Variants in ANKRD45 observed in about 807,000 individuals in gnomAD.
ANKRD45 encodes ankyrin repeat domain 45.
In ANKRD45, 21 loss-of-function variants were observed where a neutral mutation model predicts 28.1. The observed-to-expected ratio is 0.75, with a 90% CI of 0.53 to 1.08. The LOEUF (loss-of-function observed/expected upper bound fraction) is 1.08. ANKRD45 is among the 50% of genes least tolerant of loss of function. The pLI is 0.00. For synonymous variants in ANKRD45, 86 were observed against 103.9 expected (o/e 0.83, Z 1.05); for missense variants, 261 against 308.7 (o/e 0.85, Z 1.16).
the ANKRD45 span, among the ~76,000 whole-genome samples, chr1:173,708,882 G>A: frequency 5.3e-5 from 8 of 152,120 alleles, no homozygotes; most frequent in African/African-American, 1.4e-4. Context: ...CTGGGACCCC[G>A]GTCTTCTAGC....
the ANKRD45 span, among the ~76,000 whole-genome samples, chr1:173,713,038 G>A: frequency 6.6e-6 from 1 of 152,176 alleles, no homozygotes. Context: ...ACAGAATGTT[G>A]AGTGGAAAAT....
chr1:173,614,613 T>C (rs1189712811), intron 5 of ANKRD45, among the ~76,000 whole-genome samples: 1 of 152,132 alleles, frequency 6.6e-6, no homozygotes, highest in Non-Finnish European at 1.5e-5. Flanking sequence ...TCAATACTCC[T>C]GGTACTTTTG....
the ANKRD45 span, among the ~76,000 whole-genome samples, chr1:173,698,027 G>A: frequency 3.3e-5 from 5 of 151,444 alleles, no homozygotes; most frequent in East Asian, 1.9e-4. Flanking sequence ...CCTAGTCTCC[G>A]ATAAAATAGA....
the ANKRD45 span, among the ~76,000 whole-genome samples, chr1:173,709,745 C>T: frequency 6.6e-6 from 1 of 152,098 alleles, no homozygotes; most frequent in East Asian, 1.9e-4. Context: ...GATCCTCCCA[C>T]CTCAGCCTCC....
chr1:173,650,572 G>A (rs1401361693), intron 2 of ANKRD45, among the ~76,000 whole-genome samples: 1 of 152,204 alleles, frequency 6.6e-6, no homozygotes, highest in Non-Finnish European at 1.5e-5. Flanking sequence ...ACGTGTGCGT[G>A]TGTCTTTATA....
the ANKRD45 span, among the ~76,000 whole-genome samples, chr1:173,710,955 T>G: frequency 6.6e-6 from 1 of 151,806 alleles, no homozygotes; most frequent in Non-Finnish European, 1.5e-5. Flanking sequence ...CAGTGAGCTG[T>G]GATTGCACTA....
At chr1:173,657,545 C>A (rs2102384072) in intron 2 of ANKRD45, 1 of 151,156 alleles carries the variant, frequency 6.6e-6, no homozygotes, top group South Asian at 2.1e-4. Flanking sequence ...TTTTTCAACT[C>A]ATTTTCAGTG....
At chr1:173,625,040 T>G in intron 4 of ANKRD45, 115 bp from the exon 5 acceptor site, 1 of 1,102,954 alleles carries the variant, frequency 9.1e-7, no homozygotes, top group Non-Finnish European at 1.3e-6. Flanking sequence ...AAATATTCTG[T>G]ACCTGCATTG....
chr1:173,679,409 T>G, the ANKRD45 span, among the ~76,000 whole-genome samples: 1 of 152,330 alleles, frequency 6.6e-6, no homozygotes, highest in East Asian at 1.9e-4. Flanking sequence ...TACAACCATC[T>G]GATCTTTGAC....
intron 1 of ANKRD45, among the ~76,000 whole-genome samples, chr1:173,666,708 T>A (rs930590791): frequency 1.1e-4 from 17 of 152,142 alleles, no homozygotes; most frequent in Non-Finnish European, 1.8e-4. Context: ...CTATATATAT[T>A]GTATTGATTC....
At chr1:173,643,206 C>T (rs1033070618) in intron 3 of ANKRD45, among the ~76,000 whole-genome samples, 4 of 143,178 alleles carry the variant, frequency 2.8e-5, no homozygotes, top group African/African-American at 1.1e-4. Context: ...CAGAGTCTCA[C>T]TCTGTCACCC....
intron 3 of ANKRD45, chr1:173,635,343 T>G: frequency 1.8e-6 from 1 of 569,006 alleles, no homozygotes; most frequent in Non-Finnish European, 3.1e-6. Context: ...TGGGCATATT[T>G]TGCTGACTGG....
chr1:173,613,229 T>G (rs1667263064), intron 5 of ANKRD45, among the ~76,000 whole-genome samples: 1 of 151,406 alleles, frequency 6.6e-6, no homozygotes. Context: ...GAGGAGCACC[T>G]CTGCCCGGCC....
chr1:173,686,088 A>G, the ANKRD45 span, among the ~76,000 whole-genome samples: 1 of 152,152 alleles, frequency 6.6e-6, no homozygotes, highest in Non-Finnish European at 1.5e-5. Context: ...ATCTCCCCGG[A>G]TTAAATGGTC....
chr1:173,646,308 T>C (rs574591557), intron 3 of ANKRD45, among the ~76,000 whole-genome samples: 1 of 152,184 alleles, frequency 6.6e-6, no homozygotes, highest in Non-Finnish European at 1.5e-5. Flanking sequence ...AACATACCCA[T>C]GTACCAGCAA....
At chr1:173,648,210 T>A (rs1669023977) in intron 2 of ANKRD45, among the ~76,000 whole-genome samples, 1 of 152,130 alleles carries the variant, frequency 6.6e-6, no homozygotes, top group South Asian at 2.1e-4. Flanking sequence ...AGTGCTGGTA[T>A]TATAGGCATA....
At chr1:173,655,115 A>G (rs546603705) in intron 2 of ANKRD45, among the ~76,000 whole-genome samples, 9 of 152,304 alleles carry the variant, frequency 5.9e-5, no homozygotes, top group Non-Finnish European at 8.8e-5. Context: ...CATCAAAGTC[A>G]TTCTCCGTCC....
chr1:173,613,042 C>T (rs1043642414), intron 5 of ANKRD45, among the ~76,000 whole-genome samples: 3 of 152,078 alleles, frequency 2.0e-5, no homozygotes, highest in African/African-American at 7.2e-5. Context: ...GCGTCTCTGC[C>T]TGGCCGCCCA....
At chr1:173,698,214 T>C in the ANKRD45 span, among the ~76,000 whole-genome samples, 1 of 152,132 alleles carries the variant, frequency 6.6e-6, no homozygotes. Context: ...CACACAATAA[T>C]AATGGGAGAC....
Sources: gnomAD v4.1 joint callset for allele counts (sites outside exome capture counted in the v4.1 genomes callset) on GRCh38, gnomAD v4.1.1 for gene constraint, MANE v1.5 for transcripts, NCBI Gene and HGNC (gene_info 2026-07-23, HGNC 2026-07-21) for gene names.